The following DPP10 variants were observed in gnomAD, a reference collection of about 807,000 sequenced individuals.
The protein encoded by DPP10 is inactive dipeptidyl peptidase 10.
In DPP10, 33 loss-of-function variants were observed where a neutral mutation model predicts 120.9. The ratio of observed to expected loss-of-function variants is 0.27; its 90% CI spans 0.21 to 0.37. The LOEUF is 0.37. Ranked by LOEUF, DPP10 falls within the 10% of genes least tolerant of loss-of-function variation. The probability of loss-of-function intolerance (pLI) is 1.00; values close to 1 mark genes in which losing one functional copy is unlikely to be tolerated. For synonymous variants in DPP10, 337 were observed against 326.1 expected (o/e 1.03, Z -0.36); for missense variants, 816 against 942.8 (o/e 0.87, Z 1.76).
intron 1 of DPP10, among the ~76,000 whole-genome samples, chr2:114,593,771 G>C (rs974486350): frequency 2.6e-5 from 4 of 152,054 alleles, no homozygotes; most frequent in Non-Finnish European, 5.9e-5. Flanking sequence ...GATTGGCGGG[G>C]AGAAGTGAAG....
At chr2:115,685,780 A>G (rs2090955597) in intron 5 of DPP10, among the ~76,000 whole-genome samples, 1 of 152,064 alleles carries the variant, frequency 6.6e-6, no homozygotes, top group Non-Finnish European at 1.5e-5. Context: ...CAGAGCATGA[A>G]TGCCAGAATT....
chr2:115,183,140 A>T (rs2105159914), intron 1 of DPP10, among the ~76,000 whole-genome samples: 1 of 152,360 alleles, frequency 6.6e-6, no homozygotes, highest in Middle Eastern at 3.4e-3. Flanking sequence ...AATTGTGGCC[A>T]GATTTTATTC....
intron 3 of DPP10, among the ~76,000 whole-genome samples, chr2:115,465,575 TACTTTGGG>T (rs1232548202): frequency 1.5e-4 from 23 of 152,194 alleles, no homozygotes; most frequent in African/African-American, 5.5e-4. Flanking sequence ...GTAATCCCAG[TACTTTGGG>T]AGGCCAAGGC....
intron 24 of DPP10, among the ~76,000 whole-genome samples, chr2:115,838,859 T>C (rs1451228141): frequency 6.6e-6 from 1 of 152,182 alleles, no homozygotes; most frequent in Non-Finnish European, 1.5e-5. Flanking sequence ...TGGTGAATTA[T>C]AGGTGCTCAG....
At chr2:114,497,276 TATAC>T (rs371523596) in intron 1 of DPP10, among the ~76,000 whole-genome samples, 2 of 94,896 alleles carry the variant, frequency 2.1e-5, no homozygotes, top group Admixed American at 1.1e-4. Context: ...CATGTACATG[TATAC>T]GTGTATACAT....
intron 3 of DPP10, among the ~76,000 whole-genome samples, chr2:115,366,454 C>T (rs186813535): frequency 1.3e-5 from 2 of 151,986 alleles, no homozygotes; most frequent in Non-Finnish European, 2.9e-5. Flanking sequence ...GAGTTTTATG[C>T]TTTGCTTATA....
chr2:114,566,922 G>A (rs1689247813), intron 1 of DPP10, among the ~76,000 whole-genome samples: 1 of 152,180 alleles, frequency 6.6e-6, no homozygotes, highest in Admixed American at 6.5e-5. Context: ...CATGGCATCA[G>A]TATCTTCATA....
intron 5 of DPP10, among the ~76,000 whole-genome samples, chr2:115,537,364 A>G (rs1575123345): frequency 6.6e-6 from 1 of 152,068 alleles, no homozygotes; most frequent in Non-Finnish European, 1.5e-5. Flanking sequence ...TGGGGAGGCC[A>G]CAAAGTAGAA....
Position 115,672,644 on chromosome 2 carries a change from C to CTTTCTT in DPP10, c.442-17042_442-17041insTTCTTT, listed in dbSNP as rs148248181. 2.5e-4 allele frequency among the ~76,000 whole-genome samples: 34 copies of CTTTCTT among 136,386 alleles called. No individual in the cohort carries two copies. The East Asian group carries it at 4.6e-3, about 19-fold the overall frequency. The allele number at this position is 136,386 out of a possible 152,430, so 89.5% of individuals were successfully genotyped here. A position where few individuals can be genotyped will look rare whatever the true frequency, so the allele number is the denominator to read the frequency against. ...CCCTTCTTTCTTTCTTTCTTTCTTT[C>CTTTCTT]TCTCTCTCTTTCTTTCTTTCTTTCT... On this transcript the variant is annotated intron_variant, in intron 5 of 25. Transcript: ENST00000410059.
intron 3 of DPP10, among the ~76,000 whole-genome samples, chr2:115,396,897 A>G (rs1293340000): frequency 3.9e-5 from 6 of 152,124 alleles, no homozygotes; most frequent in African/African-American, 7.2e-5. Context: ...AATGTGAAAA[A>G]TCTCCTATCT....
intron 1 of DPP10, among the ~76,000 whole-genome samples, chr2:115,071,414 A>T (rs1707358402): frequency 6.6e-6 from 1 of 152,214 alleles, no homozygotes; most frequent in Non-Finnish European, 1.5e-5. Flanking sequence ...CACTGAGACA[A>T]TGAGTGTTGC....
intron 1 of DPP10, among the ~76,000 whole-genome samples, chr2:114,858,627 C>G (rs77460168): frequency 0.091 from 13,823 of 152,144 alleles, 693 homozygotes; most frequent in Non-Finnish European, 0.12. Flanking sequence ...AACAGAGTTT[C>G]ATGATCCATT....
At chr2:114,910,951 A>G (rs1694320470) in intron 1 of DPP10, among the ~76,000 whole-genome samples, 1 of 152,164 alleles carries the variant, frequency 6.6e-6, no homozygotes, top group African/African-American at 2.4e-5. Flanking sequence ...TTGTTCTTTA[A>G]CATTCAAATG....
At chr2:114,591,554 A>ATTTT (rs70937292) in intron 1 of DPP10, among the ~76,000 whole-genome samples, 3 of 124,570 alleles carry the variant, frequency 2.4e-5, no homozygotes, top group South Asian at 2.7e-4. Flanking sequence ...ACCTCTTCCT[A>ATTTT]TTTTTTTTTT....
Position 115,365,570 on chromosome 2 carries a change from A to AT in DPP10, c.271+21667dup, listed in dbSNP as rs1006454988. Among the ~76,000 whole-genome samples, 14 of 151,092 alleles carry AT rather than the reference A, an allele frequency of 9.3e-5. 1 individual carries two copies. Among genetic ancestry groups the AT allele is most frequent in the South Asian group, 6.3e-4 (3 of 4,776 alleles). On this transcript the variant is annotated intron_variant, in intron 3 of 25. Transcript: ENST00000410059. ...AGACTGGGATTCTTTATATGAAAGT[A>AT]TTTTTTTTTCTCCTTGGTTTTTTAA...
chr2:115,556,064 A>G (rs2080191016), intron 5 of DPP10, among the ~76,000 whole-genome samples: 1 of 152,136 alleles, frequency 6.6e-6, no homozygotes, highest in Non-Finnish European at 1.5e-5. Context: ...TGAAATAGGA[A>G]AATTTCAGGA....
intron 5 of DPP10, among the ~76,000 whole-genome samples, chr2:115,658,447 T>C (rs531231795): frequency 6.6e-6 from 1 of 152,234 alleles, no homozygotes; most frequent in South Asian, 2.1e-4. Context: ...TTTATATTTA[T>C]TTTAGTTTGG....
At chr2:114,892,485 C>G (rs1425409616) in intron 1 of DPP10, among the ~76,000 whole-genome samples, 1 of 152,158 alleles carries the variant, frequency 6.6e-6, no homozygotes, top group Non-Finnish European at 1.5e-5. Flanking sequence ...AATAAATAAT[C>G]TATGATCCAG....
intron 1 of DPP10, among the ~76,000 whole-genome samples, chr2:114,741,146 G>A (rs1257891266): frequency 2.0e-5 from 3 of 152,144 alleles, no homozygotes; most frequent in Admixed American, 6.5e-5. Context: ...AGAAGATTTG[G>A]ATGGGAACCC....
Sources: allele counts gnomAD v4.1 joint callset (sites outside exome capture counted in the v4.1 genomes callset), GRCh38; gene constraint gnomAD v4.1.1; transcripts MANE v1.5; gene names NCBI Gene and HGNC (gene_info 2026-07-23, HGNC 2026-07-21).